The following AR variants were observed in gnomAD, a reference collection of about 807,000 sequenced individuals.
The protein encoded by AR is dihydrotestosterone receptor.
Under a neutral mutation model 53.9 loss-of-function variants are expected in AR, and 8 were observed. The ratio of observed to expected loss-of-function variants is 0.15; its 90% CI spans 0.09 to 0.27. The LOEUF (loss-of-function observed/expected upper bound fraction) is 0.27, where lower values mean the gene tolerates loss of function less well. Among genes scored for constraint, AR ranks in the 10% least tolerant of loss-of-function variants. AR has a pLI of 1.00. For synonymous variants in AR, 359 were observed against 316.4 expected, an observed-to-expected ratio of 1.13 and a Z score of -1.43; for missense variants, 639 against 742.5, an observed-to-expected ratio of 0.86 and a Z score of 1.62.
At chrX:67,601,758 C>T (rs1354286348) in intron 1 of AR, among the ~76,000 whole-genome samples, 1 of 112,022 alleles carries the variant, frequency 8.9e-6, no homozygotes, top group Non-Finnish European at 1.9e-5. Context: ...ACCTTTTACC[C>T]ATAAGAATAA....
chrX:67,676,957 C>G (rs922580369), intron 2 of AR, among the ~76,000 whole-genome samples: 1 of 110,537 alleles, frequency 9.0e-6, no homozygotes, highest in Non-Finnish European at 1.9e-5. Context: ...TTGTTTTTTT[C>G]TTGATGCCCA....
chrX:67,704,235 T>G (rs1407408072), intron 3 of AR, among the ~76,000 whole-genome samples: 1 of 112,059 alleles, frequency 8.9e-6, no homozygotes, highest in Admixed American at 9.5e-5. Context: ...ACTTCCACAA[T>G]GGTTGAACTA....
intron 2 of AR, among the ~76,000 whole-genome samples, chrX:67,646,389 A>G (rs990040017): frequency 1.8e-5 from 2 of 111,118 alleles, no homozygotes; most frequent in African/African-American, 6.6e-5. Context: ...GTGAGAAAAA[A>G]TAATGCTACT....
chrX:67,686,493 C>G (rs2075967755), intron 3 of AR, among the ~76,000 whole-genome samples: 1 of 111,127 alleles, frequency 9.0e-6, no homozygotes, highest in African/African-American at 3.3e-5. Flanking sequence ...AAATCCAGAA[C>G]AGTCAGAGGT....
At chrX:67,594,904 A>T (rs1379088548) in intron 1 of AR, among the ~76,000 whole-genome samples, 1 of 111,695 alleles carries the variant, frequency 9.0e-6, no homozygotes, top group Non-Finnish European at 1.9e-5. Context: ...AGCCAAGATC[A>T]CAGGACTGCA....
chrX:67,585,455 T>C (rs964654504), intron 1 of AR, among the ~76,000 whole-genome samples: 2 of 111,676 alleles, frequency 1.8e-5, no homozygotes, highest in Non-Finnish European at 3.8e-5. Context: ...CATTATCAAC[T>C]ACCTCAGCTC....
At chrX:67,615,132 AAAG>A (rs1924055346) in intron 1 of AR, among the ~76,000 whole-genome samples, 1 of 111,015 alleles carries the variant, frequency 9.0e-6, no homozygotes, top group Non-Finnish European at 1.9e-5. Context: ...TAGGAGAAGA[AAAG>A]AAGGGAAAGA....
In AR at chrX:67,724,088, G is replaced by T; in HGVS notation, c.*247G>T. On this transcript the variant is annotated 3_prime_UTR_variant, in exon 8 of 8. Coordinates refer to ENST00000374690, the MANE Select transcript of AR (RefSeq NM_000044.6). ...CCTTCAGACTTTGCTTCCCATTGTGGCTCCTATCTGTGTTTTGAATGGTGT... is the reference window on the plus strand; with the variant it reads ...CCTTCAGACTTTGCTTCCCATTGTGTCTCCTATCTGTGTTTTGAATGGTGT... 1 of 404,456 alleles carries T rather than the reference G, an allele frequency of 2.5e-6. No homozygotes were observed. The allele number at this position is 404,456 out of a possible 1,213,427, so 33.3% of individuals were successfully genotyped here.
intron 3 of AR, among the ~76,000 whole-genome samples, chrX:67,701,707 C>CACAT (rs1407529150): frequency 7.3e-5 from 8 of 109,050 alleles, no homozygotes; most frequent in Non-Finnish European, 1.3e-4. Context: ...CACACACACA[C>CACAT]ACATGCACAC....
intron 3 of AR, among the ~76,000 whole-genome samples, chrX:67,705,253 C>T (rs749775841): frequency 1.5e-4 from 17 of 111,369 alleles, no homozygotes; most frequent in African/African-American, 5.5e-4. Flanking sequence ...GCCATTTTCA[C>T]GATATTGATT....
chrX:67,720,292 T>C (rs2076130249), intron 5 of AR, among the ~76,000 whole-genome samples: 1 of 110,063 alleles, frequency 9.1e-6, no homozygotes, highest in Non-Finnish European at 1.9e-5. Context: ...TTTTCCCCTT[T>C]TCCCCCTTTC....
chrX:67,687,994 G>T (rs963964243), intron 3 of AR, among the ~76,000 whole-genome samples: 3 of 112,290 alleles, frequency 2.7e-5, no homozygotes, highest in Non-Finnish European at 3.8e-5. Context: ...ACCGTCAGAT[G>T]CAGGCTTGTA....
chrX:67,702,947 G>A (rs1189257186), intron 3 of AR, among the ~76,000 whole-genome samples: 1 of 111,343 alleles, frequency 9.0e-6, no homozygotes, highest in African/African-American at 3.3e-5. Flanking sequence ...GAGTGGTAGT[G>A]TACAACTCTG....
chrX:67,632,430 G>A (rs1444323050), intron 1 of AR, among the ~76,000 whole-genome samples: 4 of 112,364 alleles, frequency 3.6e-5, no homozygotes, highest in Non-Finnish European at 7.5e-5. Context: ...CCCTTTCTTT[G>A]ACTAGGAATG....
At chrX:67,696,128 G>T (rs2076019565) in intron 3 of AR, 1 of 727,798 alleles carries the variant, frequency 1.4e-6, no homozygotes, top group African/African-American at 2.4e-5. Flanking sequence ...TGTTAACATT[G>T]GATCTTTTTT....
chrX:67,572,930 A>G (rs954321221), intron 1 of AR, among the ~76,000 whole-genome samples: 4 of 111,888 alleles, frequency 3.6e-5, no homozygotes, highest in African/African-American at 1.3e-4. Flanking sequence ...GTGTTCTGAC[A>G]TTTTAATGCT....
chrX:67,544,822 C>T lies in AR; in HGVS notation c.-325C>T. 4.3e-6 allele frequency: 1 copy of T among 233,632 alleles called. No homozygotes were observed. The highest frequency in any genetic ancestry group is 7.7e-6 in the Non-Finnish European group (1 of 129,788). 19.3% of individuals were successfully genotyped at this position (233,632 alleles called of 1,213,427 possible). A position where few individuals can be genotyped will look rare whatever the true frequency, so the allele number is the denominator to read the frequency against. On this transcript the variant is annotated 5_prime_UTR_variant, in exon 1 of 8. Coordinates refer to ENST00000374690, the MANE Select transcript of AR (RefSeq NM_000044.6). ...TCTTATTTGCACCTACTTCAGTGGA[C>T]ACTGAATTTGGAAGGTGGAGGATTT...
At chrX:67,587,238 G>C (rs543225807) in intron 1 of AR, among the ~76,000 whole-genome samples, 273 of 112,393 alleles carry the variant, frequency 2.4e-3, no homozygotes, top group African/African-American at 8.5e-3. Flanking sequence ...AATCAGCTGG[G>C]GAATGTGGTG....
At chrX:67,706,388 G>C (rs1208007222) in intron 3 of AR, among the ~76,000 whole-genome samples, 1 of 111,876 alleles carries the variant, frequency 8.9e-6, no homozygotes, top group Non-Finnish European at 1.9e-5. Context: ...GGGTGTATGT[G>C]TCGAGGAATT....
Sources: allele counts gnomAD v4.1 joint callset (sites outside exome capture counted in the v4.1 genomes callset), GRCh38; gene constraint gnomAD v4.1.1; transcripts MANE v1.5; gene names NCBI Gene and HGNC (gene_info 2026-07-23, HGNC 2026-07-21).